The following JAK1 variants were observed in gnomAD, a reference collection of about 807,000 sequenced individuals.
JAK1 encodes tyrosine-protein kinase JAK1.
A neutral mutation model predicts 136.6 loss-of-function variants in JAK1; 16 were observed. That is an observed-to-expected ratio of 0.12 (90% CI 0.08 to 0.18). The LOEUF (loss-of-function observed/expected upper bound fraction) is 0.18. Among genes scored for constraint, JAK1 ranks in the 10% least tolerant of loss-of-function variants. The pLI, the probability that JAK1 is intolerant of heterozygous loss-of-function variation, is 1.00. For missense variants in JAK1, 859 were observed against 1,450.1 expected (o/e 0.59, Z 6.62); for synonymous variants, 492 against 519.5 (o/e 0.95, Z 0.72).
chr1:64,836,286 G>GA, intron 22 of JAK1, 71 bp from the exon 23 acceptor site: 1 of 854,178 alleles, frequency 1.2e-6, no homozygotes, highest in Non-Finnish European at 2.0e-6. Context: ...CAGGATAACT[G>GA]AAAAATCACC....
chr1:64,975,236 T>C (rs1227859009), intron 2 of JAK1, among the ~76,000 whole-genome samples: 1 of 152,148 alleles, frequency 6.6e-6, no homozygotes, highest in Non-Finnish European at 1.5e-5. Flanking sequence ...GCTAGGACTA[T>C]AGGCATGCAC....
At chr1:64,875,643 G>A (rs535462029) in intron 4 of JAK1, among the ~76,000 whole-genome samples, 4 of 152,232 alleles carry the variant, frequency 2.6e-5, no homozygotes, top group Non-Finnish European at 5.9e-5. Context: ...CATCTTCCTT[G>A]TAATTTACGA....
chr1:64,994,741 T>G (rs1354986249), intron 2 of JAK1, among the ~76,000 whole-genome samples: 2 of 152,126 alleles, frequency 1.3e-5, no homozygotes, highest in African/African-American at 4.8e-5. Flanking sequence ...CGAGAAGTGA[T>G]TTGGAGCCCA....
chr1:64,976,497 C>T (rs1017083412), intron 2 of JAK1, among the ~76,000 whole-genome samples: 2 of 152,208 alleles, frequency 1.3e-5, no homozygotes, highest in African/African-American at 4.8e-5. Flanking sequence ...GAGTTACACA[C>T]TTCCAATTGG....
intron 1 of JAK1, among the ~76,000 whole-genome samples, chr1:64,965,613 A>T (rs571994850): frequency 6.6e-6 from 1 of 152,226 alleles, no homozygotes; most frequent in Non-Finnish European, 1.5e-5. Context: ...GACCAGCCCC[A>T]GTTTCGGTTA....
Position 65,046,414 on chromosome 1 carries a change from G to T in JAK1, c.-180-1832C>A, listed in dbSNP as rs147384469. ...AAGCCAGGAGTGTCTGAGGGACTGG[G>T]ACAAGAGACACCCACTGAGGAGTAT... On this transcript the variant is annotated intron_variant, in intron 1 of 25. Transcript: ENST00000671954. Among the ~76,000 whole-genome samples the T allele has an allele frequency of 2.2e-4, 33 of 152,314 alleles. No individual in the cohort carries two copies. The East Asian group carries it at 5.6e-3, about 26-fold the overall frequency.
chr1:64,862,488 A>G (rs1284794666), intron 8 of JAK1, among the ~76,000 whole-genome samples: 3 of 152,188 alleles, frequency 2.0e-5, no homozygotes. Flanking sequence ...AAACAAACTA[A>G]TGGAGGAATC....
intron 2 of JAK1, among the ~76,000 whole-genome samples, chr1:64,996,512 CT>C (rs899146875): frequency 3.9e-5 from 6 of 152,316 alleles, no homozygotes; most frequent in African/African-American, 1.4e-4. Context: ...TAAAATTGGA[CT>C]TTTCCTTCCA....
At chr1:64,936,516 A>C (rs1220410352) in intron 1 of JAK1, among the ~76,000 whole-genome samples, 1 of 152,188 alleles carries the variant, frequency 6.6e-6, no homozygotes, top group Non-Finnish European at 1.5e-5. Flanking sequence ...GAAGACAAAG[A>C]GAGGTACCTT....
rs551200498 is a variant in JAK1, at chr1:64,833,636, G to A, written c.*926C>T. ...AAACAGGGATCAACCCTTGTAGATC[G>A]GTGGTAAGTATGGAAACCCTCTAAG... On this transcript the variant is annotated 3_prime_UTR_variant, in exon 25 of 25. Coordinates refer to ENST00000342505, the MANE Select transcript of JAK1 (RefSeq NM_002227.4). 4.1e-4 allele frequency: 96 copies of A among 232,332 alleles called. No homozygotes were observed. The highest frequency in any genetic ancestry group is 7.1e-4 in the Non-Finnish European group (83 of 117,702). The allele number at this position is 232,332 out of a possible 1,614,324, so 14.4% of individuals were successfully genotyped here.
intron 5 of JAK1, among the ~76,000 whole-genome samples, chr1:64,871,358 G>A (rs578115027): frequency 2.0e-5 from 3 of 152,288 alleles, no homozygotes; most frequent in East Asian, 3.9e-4. Context: ...GACCACCTAC[G>A]TATGCAGTTG....
intron 1 of JAK1, among the ~76,000 whole-genome samples, chr1:64,891,386 A>T (rs188591365): frequency 1.3e-5 from 2 of 152,282 alleles, no homozygotes; most frequent in East Asian, 3.9e-4. Context: ...ATAGTCTAAC[A>T]ACCACCCAGG....
chr1:64,838,123 A>T lies in JAK1; in HGVS notation c.2968-19T>A, dbSNP rs1464827843. ...CCATCCCCTGAGAGAGAGAAGTAAAAGTCAAGCACATTGCTAAAGTCACTT... is the reference window on the plus strand; with the variant it reads ...CCATCCCCTGAGAGAGAGAAGTAAATGTCAAGCACATTGCTAAAGTCACTT... On this transcript the variant is annotated intron_variant, in intron 21 of 24. Coordinates refer to ENST00000342505, the MANE Select transcript of JAK1 (RefSeq NM_002227.4). The T allele has an allele frequency of 6.2e-7, 1 of 1,603,458 alleles. No homozygotes were observed. Among genetic ancestry groups the T allele is most frequent in the Non-Finnish European group, 8.5e-7 (1 of 1,173,044 alleles).
chr1:65,015,462 CAG>C (rs1646885006), intron 2 of JAK1, among the ~76,000 whole-genome samples: 2 of 150,122 alleles, frequency 1.3e-5, no homozygotes, highest in Admixed American at 1.3e-4. Context: ...AGCCTATAAA[CAG>C]AGTTAAAAAA....
intron 1 of JAK1, among the ~76,000 whole-genome samples, chr1:64,893,359 A>G (rs1485238349): frequency 6.6e-6 from 1 of 152,158 alleles, no homozygotes; most frequent in Non-Finnish European, 1.5e-5. Context: ...CCTGGTGTTG[A>G]GCAAGCCTCT....
chr1:64,848,788 C>T (rs567940422), intron 12 of JAK1, among the ~76,000 whole-genome samples: 1 of 152,284 alleles, frequency 6.6e-6, no homozygotes, highest in South Asian at 2.1e-4. Context: ...AGAAAAGGGA[C>T]TGTCACTGAT....
intron 21 of JAK1, among the ~76,000 whole-genome samples, 158 bp from the exon 22 acceptor site, chr1:64,838,262 A>T (rs1654619470): frequency 6.6e-6 from 1 of 152,244 alleles, no homozygotes; most frequent in African/African-American, 2.4e-5. Context: ...GAACAAACTG[A>T]TTCAAATAAA....
At chr1:64,893,717 A>G (rs1454107241) in intron 1 of JAK1, among the ~76,000 whole-genome samples, 1 of 152,234 alleles carries the variant, frequency 6.6e-6, no homozygotes, top group African/African-American at 2.4e-5. Context: ...GAAACAAATA[A>G]AACAAACCCT....
In JAK1 at chr1:65,037,181, C is replaced by T. The variant is rs562857214; in HGVS notation, c.-78+7299G>A. On this transcript the variant is annotated intron_variant, in intron 2 of 25. Transcript: ENST00000671954. ...AGCCTGGGTGACAGAGCAAGCAAGA[C>T]CTCATCTCAAAAAGAAAAAGAAAAA... Among the ~76,000 whole-genome samples, 4 of 152,158 alleles carry T rather than the reference C, an allele frequency of 2.6e-5. No homozygotes were observed. The South Asian group carries it at 8.3e-4, about 32-fold the overall frequency.
Sources: allele counts gnomAD v4.1 joint callset (sites outside exome capture counted in the v4.1 genomes callset), GRCh38; gene constraint gnomAD v4.1.1; transcripts MANE v1.5; gene names NCBI Gene and HGNC (gene_info 2026-07-23, HGNC 2026-07-21).